The following VEGFC variants were observed in gnomAD, a reference collection of about 807,000 sequenced individuals.
VEGFC encodes FLT4 ligand DHM.
VEGFC carries 12 observed loss-of-function variants against 46.1 expected under a neutral mutation model. The ratio of observed to expected loss-of-function variants is 0.26; its 90% CI spans 0.17 to 0.42. VEGFC has a LOEUF of 0.42. Among genes scored for constraint, VEGFC ranks in the 10% least tolerant of loss-of-function variants. The pLI is 1.00. For missense variants in VEGFC, 488 were observed against 529.4 expected (o/e 0.92, Z 0.77); for synonymous variants, 232 against 195.5 (o/e 1.19, Z -1.56).
intron 1 of VEGFC, among the ~76,000 whole-genome samples, chr4:176,775,212 C>T (rs545798804): frequency 7.1e-4 from 108 of 152,062 alleles, no homozygotes; most frequent in African/African-American, 2.4e-3. Context: ...AGATATACTA[C>T]GGATTGGCCT....
rs1193724101 is a variant in VEGFC at position 176,683,747 on chromosome 4, A to T, written c.*179T>A. ...TTGGCAGAAAACCAGTCTTTACAAGAGGCCTTTTGCAGATGAGCTCCAGTC... is the reference window on the plus strand; with the variant it reads ...TTGGCAGAAAACCAGTCTTTACAAGTGGCCTTTTGCAGATGAGCTCCAGTC... On this transcript the variant is annotated 3_prime_UTR_variant, in exon 7 of 7. Coordinates refer to ENST00000618562, the MANE Select transcript of VEGFC (RefSeq NM_005429.5). 1 of 434,034 alleles carries T rather than the reference A, an allele frequency of 2.3e-6. No individual in the cohort carries two copies. The highest frequency in any genetic ancestry group is 4.1e-6 in the Non-Finnish European group (1 of 244,688). 26.9% of individuals were successfully genotyped at this position (434,034 alleles called of 1,614,324 possible). A position where few individuals can be genotyped will look rare whatever the true frequency, so the allele number is the denominator to read the frequency against.
intron 1 of VEGFC, among the ~76,000 whole-genome samples, chr4:176,746,033 T>C (rs1458291881): frequency 6.6e-6 from 1 of 152,042 alleles, no homozygotes; most frequent in Non-Finnish European, 1.5e-5. Flanking sequence ...TTGTGAGGTA[T>C]GCCAAGAAAG....
At chr4:176,697,415 C>T (rs201658066) in intron 4 of VEGFC, among the ~76,000 whole-genome samples, 2 of 152,174 alleles carry the variant, frequency 1.3e-5, no homozygotes, top group African/African-American at 2.4e-5. Context: ...CAGAGAAATG[C>T]AAATCAAAAC....
chr4:176,700,969 G>A (rs979804641), intron 4 of VEGFC, among the ~76,000 whole-genome samples: 2 of 152,086 alleles, frequency 1.3e-5, no homozygotes, highest in Non-Finnish European at 2.9e-5. Context: ...ATGAACAGGC[G>A]GAACACGGAG....
intron 4 of VEGFC, among the ~76,000 whole-genome samples, chr4:176,701,118 A>G (rs936641537): frequency 6.6e-6 from 1 of 152,224 alleles, no homozygotes; most frequent in Non-Finnish European, 1.5e-5. Context: ...TAACGATCAC[A>G]TGTCAGTATC....
intron 1 of VEGFC, among the ~76,000 whole-genome samples, chr4:176,773,232 CA>C (rs1217365059): frequency 6.6e-6 from 1 of 152,154 alleles, no homozygotes; most frequent in African/African-American, 2.4e-5. Flanking sequence ...AGGAATGAAG[CA>C]CAGAAGGCCA....
chr4:176,686,942 CTAATT>C (rs1734052046), intron 6 of VEGFC, among the ~76,000 whole-genome samples: 1 of 152,134 alleles, frequency 6.6e-6, no homozygotes, highest in Non-Finnish European at 1.5e-5. Context: ...ACAGGAACCA[CTAATT>C]TAGAGTATAT....
rs929041713 is a variant in VEGFC, at chr4:176,792,128, A to G, written c.147+37T>C. The G allele has an allele frequency of 1.4e-6, 2 of 1,427,268 alleles. No individual in the cohort carries two copies. Among genetic ancestry groups the G allele is most frequent in the African/African-American group, 3.0e-5 (2 of 66,854 alleles). 88.4% of individuals were successfully genotyped at this position (1,427,268 alleles called of 1,614,324 possible). ...GGGTCCGCCGCAGACCCTAACGCAA[A>G]CTCTCGGGTTCTCCGCAAACCCTAA... On this transcript the variant is annotated intron_variant, in intron 1 of 6. Coordinates refer to ENST00000618562, the MANE Select transcript of VEGFC (RefSeq NM_005429.5). The surrounding 1 kb of genome is among the most constrained non-coding windows in gnomAD (Gnocchi z 6.3).
At chr4:176,740,516 T>G (rs528062393) in intron 1 of VEGFC, among the ~76,000 whole-genome samples, 126 of 22,152 alleles carry the variant, frequency 5.7e-3, no homozygotes, top group Admixed American at 8.7e-3. Flanking sequence ...ATTCTATATA[T>G]AGAGAGTATA....
At chr4:176,739,567 G>A (rs1735119703) in intron 1 of VEGFC, among the ~76,000 whole-genome samples, 1 of 151,852 alleles carries the variant, frequency 6.6e-6, no homozygotes, top group African/African-American at 2.4e-5. Context: ...ACATGGGAGG[G>A]AACAACACAC....
At chr4:176,737,659 T>C (rs1383708856) in intron 1 of VEGFC, among the ~76,000 whole-genome samples, 1 of 151,716 alleles carries the variant, frequency 6.6e-6, no homozygotes, top group Non-Finnish European at 1.5e-5. Context: ...GTAGGATAAC[T>C]GCTTTTCTCC....
Position 176,683,917 on chromosome 4 carries a change from A to T in VEGFC, c.*9T>A, listed in dbSNP as rs752887252. 6.3e-7 allele frequency: 1 copy of T among 1,599,872 alleles called. No individual in the cohort carries two copies. The highest frequency in any genetic ancestry group is 8.6e-7 in the Non-Finnish European group (1 of 1,167,108). On this transcript the variant is annotated 3_prime_UTR_variant, in exon 7 of 7. Transcript: ENST00000618562. ...ATAGAAAATCGATGAACTGGAAAAC[A>T]GTACAATCTTAGCTCATTTGTGGTC...
chr4:176,760,379 G>C (rs552435958), intron 1 of VEGFC, among the ~76,000 whole-genome samples: 28 of 152,254 alleles, frequency 1.8e-4, no homozygotes, highest in African/African-American at 6.5e-4. Context: ...TTCCCTAATA[G>C]CTGCTCCCAA....
chr4:176,749,327 A>C (rs920421698), intron 1 of VEGFC, among the ~76,000 whole-genome samples: 1 of 151,990 alleles, frequency 6.6e-6, no homozygotes, highest in Non-Finnish European at 1.5e-5. Flanking sequence ...AACAGAAAAG[A>C]GATGTTATAG....
intron 3 of VEGFC, among the ~76,000 whole-genome samples, chr4:176,726,907 C>T (rs1012758456): frequency 2.0e-5 from 3 of 152,140 alleles, no homozygotes; most frequent in Non-Finnish European, 2.9e-5. Flanking sequence ...GCCAGATTTA[C>T]GTGTGTGAGT....
At chr4:176,774,176 T>A (rs977427288) in intron 1 of VEGFC, among the ~76,000 whole-genome samples, 2 of 152,162 alleles carry the variant, frequency 1.3e-5, no homozygotes, top group African/African-American at 4.8e-5. Context: ...ACAGTTTATT[T>A]ATGATATGTC....
chr4:176,725,303 T>C (rs1443773863), intron 3 of VEGFC, among the ~76,000 whole-genome samples: 1 of 152,038 alleles, frequency 6.6e-6, no homozygotes, highest in African/African-American at 2.4e-5. Flanking sequence ...ATCAGCTCTG[T>C]GGGGTTTTTT....
rs1428290581 is a variant in VEGFC at position 176,792,285 on chromosome 4, C to A, written c.27G>T (p.Val9=). 6.5e-7 allele frequency: 1 copy of A among 1,540,066 alleles called. No individual in the cohort carries two copies. The highest frequency in any genetic ancestry group is 8.7e-7 in the Non-Finnish European group (1 of 1,145,488). ...GCGCAGCGGCGAGCAGAGAACACGCCACAGAGAAGAAGCCCAGCAAGTGCA... is the reference window on the plus strand; with the variant it reads ...GCGCAGCGGCGAGCAGAGAACACGCAACAGAGAAGAAGCCCAGCAAGTGCA... MHLLGFFS[V]ACSLLAAALL... is the part of the protein sequence containing the mutation. The change falls in exon 1 of 7, where the codon GTG becomes GTT. Residue 9 remains valine (V), a synonymous_variant. Transcript: ENST00000618562. The surrounding 1 kb of genome is among the most constrained non-coding windows in gnomAD (Gnocchi z 6.3).
chr4:176,722,823 A>G (rs935225730), intron 3 of VEGFC, among the ~76,000 whole-genome samples: 18 of 152,074 alleles, frequency 1.2e-4, no homozygotes, highest in African/African-American at 4.3e-4. Context: ...TCTAAAGCCT[A>G]AACCTCTCCA....
Sources: gnomAD v4.1 joint callset for allele counts (sites outside exome capture counted in the v4.1 genomes callset) on GRCh38, gnomAD v4.1.1 for gene constraint, Gnocchi (gnomAD v3.1) non-coding constraint, MANE v1.5 for transcripts, NCBI Gene and HGNC (gene_info 2026-07-23, HGNC 2026-07-21) for gene names.